TNS3: variants seen among roughly 807,000 people sequenced by gnomAD.
TNS3 encodes tensin-3.
TNS3 carries 45 observed loss-of-function variants against 140.9 expected under a neutral mutation model. The ratio of observed to expected loss-of-function variants is 0.32; its 90% CI spans 0.25 to 0.41. TNS3 has a LOEUF of 0.41. Ranked by LOEUF, TNS3 falls within the 10% of genes least tolerant of loss-of-function variation. The probability of loss-of-function intolerance (pLI) is 1.00; values close to 1 mark genes in which losing one functional copy is unlikely to be tolerated. For synonymous variants in TNS3, 815 were observed against 788.4 expected (o/e 1.03, Z -0.56); for missense variants, 1,716 against 1,906.7 (o/e 0.90, Z 1.86).
intron 13 of TNS3, among the ~76,000 whole-genome samples, chr7:47,409,456 A>C (rs1239759085): frequency 6.6e-6 from 1 of 152,072 alleles, no homozygotes; most frequent in African/African-American, 2.4e-5. Context: ...GTCACCCTCT[A>C]TGACTGAGTT....
intron 17 of TNS3, among the ~76,000 whole-genome samples, chr7:47,362,407 C>G (rs1790386688): frequency 6.6e-6 from 1 of 152,132 alleles, no homozygotes; most frequent in African/African-American, 2.4e-5. Context: ...CCCTCAGTGC[C>G]CATTCAGCAG....
intron 13 of TNS3, among the ~76,000 whole-genome samples, chr7:47,411,234 T>A (rs759895104): frequency 6.6e-6 from 1 of 152,230 alleles, no homozygotes; most frequent in Non-Finnish European, 1.5e-5. Context: ...GTTCCGTCCC[T>A]TTAATTAAAA....
intron 4 of TNS3, among the ~76,000 whole-genome samples, chr7:47,449,017 G>A (rs571553990): frequency 6.6e-6 from 1 of 152,298 alleles, no homozygotes; most frequent in Non-Finnish European, 1.5e-5. Context: ...AGACAAAAAT[G>A]TCCAATGCCT....
chr7:47,334,854 G>A (rs1788542984), intron 20 of TNS3, among the ~76,000 whole-genome samples: 1 of 152,066 alleles, frequency 6.6e-6, no homozygotes. Flanking sequence ...TGATCCGCCT[G>A]CCTTGGCCTC....
intron 15 of TNS3, among the ~76,000 whole-genome samples, chr7:47,398,588 TAG>T (rs1792967641): frequency 6.6e-6 from 1 of 152,130 alleles, no homozygotes; most frequent in Non-Finnish European, 1.5e-5. Flanking sequence ...GTCATTTCAG[TAG>T]ATGTGAAAAA....
At chr7:47,472,671 TG>T (rs2151747151) in intron 4 of TNS3, among the ~76,000 whole-genome samples, 1 of 152,294 alleles carries the variant, frequency 6.6e-6, no homozygotes, top group African/African-American at 2.4e-5. Flanking sequence ...AGGTGAGCCA[TG>T]GGAACAGGAA....
At chr7:47,490,361 A>G (rs1562798917) in intron 3 of TNS3, among the ~76,000 whole-genome samples, 2 of 152,234 alleles carry the variant, frequency 1.3e-5, no homozygotes. Context: ...CCTCTACAAT[A>G]ACATCCCTGC....
At chr7:47,474,889 C>T (rs909252158) in intron 4 of TNS3, among the ~76,000 whole-genome samples, 36 of 148,198 alleles carry the variant, frequency 2.4e-4, no homozygotes, top group African/African-American at 8.7e-4. Flanking sequence ...ACAACACACA[C>T]ACCGCAACAC....
chr7:47,466,016 G>T (rs535677616), intron 4 of TNS3, among the ~76,000 whole-genome samples: 5 of 152,044 alleles, frequency 3.3e-5, no homozygotes, highest in Non-Finnish European at 5.9e-5. Context: ...GAATTGTGAA[G>T]AATAATTTCT....
chr7:47,297,236 CAAG>C, intron 23 of TNS3, 23 bp from the exon 24 acceptor site: 1 of 1,599,990 alleles, frequency 6.3e-7, no homozygotes, highest in Non-Finnish European at 8.5e-7. Context: ...AGGAGAAAGA[CAAG>C]AAGGTCTGCC....
At chr7:47,528,877 C>T (rs1198789166) in intron 2 of TNS3, among the ~76,000 whole-genome samples, 159 bp downstream of exon 2, 1 of 152,046 alleles carries the variant, frequency 6.6e-6, no homozygotes, top group African/African-American at 2.4e-5. Context: ...TACGGTTGGC[C>T]CCTGCTAAGT....
chr7:47,449,180 G>A (rs899153390), intron 4 of TNS3, among the ~76,000 whole-genome samples: 5 of 152,244 alleles, frequency 3.3e-5, no homozygotes, highest in East Asian at 1.9e-4. Flanking sequence ...GCACGGGTGC[G>A]TATCCTGCAG....
chr7:47,298,620 G>C (rs548840912), intron 23 of TNS3, among the ~76,000 whole-genome samples: 1 of 152,286 alleles, frequency 6.6e-6, no homozygotes, highest in South Asian at 2.1e-4. Flanking sequence ...AATGCCAAAG[G>C]CTCTGCCTGG....
At chr7:47,281,217 C>T (rs950606120) in intron 28 of TNS3, among the ~76,000 whole-genome samples, 1 of 152,204 alleles carries the variant, frequency 6.6e-6, no homozygotes, top group Admixed American at 6.5e-5. Flanking sequence ...TGATACGACC[C>T]CCATAGAGAC....
At position 47,526,766 on chromosome 7, in the gene TNS3, G is replaced by A. The variant is rs16881532; in HGVS notation, c.-153+2270C>T. Among the ~76,000 whole-genome samples, 1,228 of 152,262 alleles carry A rather than the reference G, an allele frequency of 8.1e-3. 16 individuals carry two copies. Among genetic ancestry groups the A allele is most frequent in the African/African-American group, 0.028 (1,166 of 41,546 alleles). On this transcript the variant is annotated intron_variant, in intron 2 of 30. Transcript: ENST00000311160. ...TGCTCATGACAGCTCTCCCAGTATC[G>A]CCCAATGGCTCCGCTGGCACAGGAC... is the stretch of plus-strand genomic sequence containing the variant.
intron 1 of TNS3, among the ~76,000 whole-genome samples, chr7:47,580,955 C>G (rs909774503): frequency 2.6e-5 from 4 of 152,126 alleles, no homozygotes; most frequent in Admixed American, 2.0e-4. Context: ...CCCGGAAGAT[C>G]AAAGTGTGTG....
chr7:47,503,246 G>A (rs572707140), intron 3 of TNS3, among the ~76,000 whole-genome samples: 6 of 152,196 alleles, frequency 3.9e-5, no homozygotes, highest in African/African-American at 1.4e-4. Context: ...GGGCAGAGGC[G>A]GAAGAGGCAT....
At position 47,362,173 on chromosome 7, in the gene TNS3, G is replaced by A. The variant is rs567677260; in HGVS notation, c.2281+6192C>T. ...CAGCAGAAGTCAGACCAGAGTGAGG[G>A]AGCAGGGCCTCATGGCTGGCAGGCA... On this transcript the variant is annotated intron_variant, in intron 17 of 30. Transcript: ENST00000311160. 3.9e-5 allele frequency among the ~76,000 whole-genome samples: 6 copies of A among 152,280 alleles called. No individual in the cohort carries two copies. In the South Asian group the frequency reaches 1.2e-3, roughly 32 times the overall value.
intron 20 of TNS3, among the ~76,000 whole-genome samples, chr7:47,333,102 A>C (rs1244557256): frequency 1.3e-5 from 2 of 151,806 alleles, no homozygotes; most frequent in Non-Finnish European, 2.9e-5. Context: ...CAGAAAGCCA[A>C]CACCTTTTTT....
Sources: gnomAD v4.1 joint callset for allele counts (sites outside exome capture counted in the v4.1 genomes callset) on GRCh38, gnomAD v4.1.1 for gene constraint, MANE v1.5 for transcripts, NCBI Gene and HGNC (gene_info 2026-07-23, HGNC 2026-07-21) for gene names.